The following IL22RA1 variants were observed in gnomAD, a reference collection of about 807,000 sequenced individuals.
The protein encoded by IL22RA1 is interleukin-22 receptor subunit alpha-1.
IL22RA1 carries 25 observed loss-of-function variants against 32.8 expected under a neutral mutation model. The ratio of observed to expected loss-of-function variants is 0.76; its 90% CI spans 0.55 to 1.06. IL22RA1 has a LOEUF of 1.06. Ranked by LOEUF, IL22RA1 falls within the 50% of genes least tolerant of loss-of-function variation. The pLI, the probability that IL22RA1 is intolerant of heterozygous loss-of-function variation, is 0.00. For missense variants in IL22RA1, 709 were observed against 727.4 expected (o/e 0.97, Z 0.29); for synonymous variants, 305 against 305.0 (o/e 1.00, Z 0.00).
chr1:24,121,581 G>A lies in IL22RA1; in HGVS notation c.949C>T (p.Gln317Ter). Reference sequence around the variant, plus strand: ...GTGATCTCGGACAGGCTATGCCGCTGTGGAGCTCCTGCGGGCTCCCTGGGT... The same window carrying A: ...GTGATCTCGGACAGGCTATGCCGCTATGGAGCTCCTGCGGGCTCCCTGGGT... ...SGPREPAGAP[Q>*]RHSLSEITYL... The change falls in exon 7 of 7, where the codon CAG becomes TAG. Residue 317 changes from glutamine (Q) to a stop codon, truncating the protein, a stop_gained. Coordinates refer to ENST00000270800, the MANE Select transcript of IL22RA1 (RefSeq NM_021258.4). LOFTEE classifies it low-confidence loss of function (END_TRUNC). 1 of 1,612,432 alleles carries A rather than the reference G, an allele frequency of 6.2e-7. No homozygotes were observed. The highest frequency in any genetic ancestry group is 8.5e-7 in the Non-Finnish European group (1 of 1,178,860).
rs770833663 is a variant in IL22RA1 at position 24,137,198 on chromosome 1, G to A, written c.288C>T (p.Val96=). The change falls in exon 3 of 7, where the codon GTC becomes GTT. Residue 96 remains valine (V), a synonymous_variant. Coordinates refer to ENST00000270800, the MANE Select transcript of IL22RA1 (RefSeq NM_021258.4). ...ACCGGCCTCCCGCACTGACAGCGGTGACCCTGGCATAGTAGAGCTCCGTGA... is the reference window on the plus strand; with the variant it reads ...ACCGGCCTCCCGCACTGACAGCGGTAACCCTGGCATAGTAGAGCTCCGTGA... ...GNLTELYYAR[V]TAVSAGGRSA... 2 of 1,614,030 alleles carry A rather than the reference G, an allele frequency of 1.2e-6. No homozygotes were observed. The highest frequency in any genetic ancestry group is 2.7e-5 in the African/African-American group (2 of 74,928).
rs375184207 is a variant in IL22RA1 at position 24,135,843 on chromosome 1, GT to G, written c.355+1287del. 9.2e-4 allele frequency among the ~76,000 whole-genome samples: 140 copies of G among 152,294 alleles called. 1 individual carries two copies. In the South Asian group the frequency reaches 0.026, roughly 28 times the overall value. ...CCATCATTCAGTTACCTCCTACTGG[GT>G]CCTTCCCACAAGACAGGATTATGGG... On this transcript the variant is annotated intron_variant, in intron 3 of 6. Transcript: ENST00000270800.
At chr1:24,122,001 G>A (rs970510526) in intron 6 of IL22RA1, among the ~76,000 whole-genome samples, 10 of 152,130 alleles carry the variant, frequency 6.6e-5, no homozygotes, top group East Asian at 1.9e-4. Context: ...TCCAGGAGGC[G>A]GATAATCCAG....
At chr1:24,140,098 G>A (rs912401389) in intron 1 of IL22RA1, among the ~76,000 whole-genome samples, 2 of 152,232 alleles carry the variant, frequency 1.3e-5, no homozygotes, top group African/African-American at 4.8e-5. Context: ...AGCAGCCACT[G>A]GCATTTGTGA....
chr1:24,123,495 C>A (rs1311402750), intron 5 of IL22RA1, 72 bp from the exon 6 acceptor site: 1 of 1,566,678 alleles, frequency 6.4e-7, no homozygotes, highest in Non-Finnish European at 8.7e-7. Context: ...GGTCTGGCCC[C>A]ACATGTGGAT....
rs1570898050 is a variant in IL22RA1 at position 24,120,049 on chromosome 1, G to T, written c.*756C>A. Reference sequence around the variant, plus strand: ...CAGTGTGTTATTGTACCCGTCCAGGGGCCACAGCCCTCACCTTCCTTTCAA... The same window carrying T: ...CAGTGTGTTATTGTACCCGTCCAGGTGCCACAGCCCTCACCTTCCTTTCAA... On this transcript the variant is annotated 3_prime_UTR_variant, in exon 7 of 7. Coordinates refer to ENST00000270800, the MANE Select transcript of IL22RA1 (RefSeq NM_021258.4). 6.6e-6 allele frequency: 1 copy of T among 152,352 alleles called. No individual in the cohort carries two copies. Among genetic ancestry groups the T allele is most frequent in the East Asian group, 1.9e-4 (1 of 5,190 alleles). 9.4% of individuals were successfully genotyped at this position (152,352 alleles called of 1,614,324 possible). A position where few individuals can be genotyped will look rare whatever the true frequency, so the allele number is the denominator to read the frequency against.
At chr1:24,142,395 G>A (rs1377807319) in intron 1 of IL22RA1, among the ~76,000 whole-genome samples, 1 of 152,208 alleles carries the variant, frequency 6.6e-6, no homozygotes, top group Non-Finnish European at 1.5e-5. Flanking sequence ...CTCATGTAAC[G>A]TTCTCCATAA....
chr1:24,140,298 G>A (rs1006650842), intron 1 of IL22RA1, among the ~76,000 whole-genome samples: 3 of 152,222 alleles, frequency 2.0e-5, no homozygotes, highest in Non-Finnish European at 4.4e-5. Flanking sequence ...GGATAGAGCG[G>A]GTTGGCGTCT....
Position 24,137,307 on chromosome 1 carries a change from T to A in IL22RA1, c.179A>T (p.Tyr60Phe), listed in dbSNP as rs1355483502. 6.2e-7 allele frequency: 1 copy of A among 1,613,268 alleles called. No homozygotes were observed. Among genetic ancestry groups the A allele is most frequent in the East Asian group, 2.2e-5 (1 of 44,858 alleles). ...DTVYSIEYKTYGERDWVAKKG... is the reference protein window; with the variant it reads ...DTVYSIEYKTFGERDWVAKKG... The stretch of plus-strand genomic sequence containing the variant: ...CTTTGCCACCCAGTCCCTCTCTCCG[T>A]ACCTGCAGGTCAGGAAGGGGCCAAG... Residue 60 changes from tyrosine (Y) to phenylalanine (F), a missense_variant and splice_region_variant, in exon 3 of 7, where the codon TAC becomes TTC. By Grantham distance (22) the Tyr-to-Phe change is conservative (BLOSUM62 3). Coordinates refer to ENST00000270800, the MANE Select transcript of IL22RA1 (RefSeq NM_021258.4).
intron 4 of IL22RA1, among the ~76,000 whole-genome samples, chr1:24,131,227 A>G (rs1205328449): frequency 6.6e-6 from 1 of 152,206 alleles, no homozygotes; most frequent in Non-Finnish European, 1.5e-5. Context: ...AACTTGAAGA[A>G]AGATTGATAA....
chr1:24,140,979 G>A lies in IL22RA1; in HGVS notation c.43+2061C>T, dbSNP rs114209821. Among the ~76,000 whole-genome samples the A allele has an allele frequency of 9.7e-3, 1,477 of 152,322 alleles. 15 individuals are homozygous for A. Among genetic ancestry groups the A allele is most frequent in the Non-Finnish European group, 0.015 (1,001 of 68,026 alleles). ...CCTACTCCAACTCTACACACAAGAG[G>A]GGTCCTCAGGCTTGGCGAGGACCGA... On this transcript the variant is annotated intron_variant, in intron 1 of 6. Coordinates refer to ENST00000270800, the MANE Select transcript of IL22RA1 (RefSeq NM_021258.4).
At chr1:24,142,218 G>A (rs1644286478) in intron 1 of IL22RA1, among the ~76,000 whole-genome samples, 1 of 152,228 alleles carries the variant, frequency 6.6e-6, no homozygotes, top group African/African-American at 2.4e-5. Flanking sequence ...GGCAGAGAAG[G>A]TGGGAAGCTC....
At chr1:24,128,479 G>T in intron 4 of IL22RA1, among the ~76,000 whole-genome samples, 200 bp from the exon 5 acceptor site, 1 of 151,830 alleles carries the variant, frequency 6.6e-6, no homozygotes, top group East Asian at 1.9e-4. Flanking sequence ...ACTTGCAATA[G>T]TGTCTGGCCC....
At chr1:24,137,357 C>A (rs377040917) in intron 2 of IL22RA1, 48 bp from the exon 3 acceptor site, 1 of 1,564,608 alleles carries the variant, frequency 6.4e-7, no homozygotes, top group South Asian at 1.1e-5. Context: ...AAAAGGCCAG[C>A]GCTAGGCCTG....
At chr1:24,137,682 A>G (rs886281842) in intron 2 of IL22RA1, among the ~76,000 whole-genome samples, 1 of 151,598 alleles carries the variant, frequency 6.6e-6, no homozygotes, top group Non-Finnish European at 1.5e-5. Context: ...ATGCCTGGCT[A>G]ATTTTTGTAT....
rs377058116 is a variant in IL22RA1, at chr1:24,138,582, G to A, written c.176C>T (p.Thr59Met). 66 of 1,614,038 alleles carry A rather than the reference G, an allele frequency of 4.1e-5. No homozygotes were observed. Among genetic ancestry groups the A allele is most frequent in the Non-Finnish European group, 5.2e-5 (61 of 1,180,020 alleles). Residue 59 changes from threonine (T) to methionine (M), a missense_variant and splice_region_variant, in exon 2 of 7, where the codon ACG becomes ATG. Physicochemically the swap from Thr to Met is moderately conservative, Grantham distance 81. Coordinates refer to ENST00000270800, the MANE Select transcript of IL22RA1 (RefSeq NM_021258.4). Reference protein sequence around the residue: ...PDTVYSIEYKTYGERDWVAKK... With the variant: ...PDTVYSIEYKMYGERDWVAKK... ...AGGTGGGGTCAAGAGAGAAGCCTACGTCTTATACTCGATGCTGTAGACCGT... is the reference window on the plus strand; with the variant it reads ...AGGTGGGGTCAAGAGAGAAGCCTACATCTTATACTCGATGCTGTAGACCGT...
intron 4 of IL22RA1, among the ~76,000 whole-genome samples, chr1:24,131,205 GA>G (rs1644202515): frequency 6.6e-6 from 1 of 152,148 alleles, no homozygotes; most frequent in African/African-American, 2.4e-5. Context: ...GGAAATGACA[GA>G]AAAAATAGAG....
chr1:24,121,602 TG>T lies in IL22RA1; in HGVS notation c.927del (p.Arg310GlyfsTer18). ...CGCTGTGGAGCTCCTGCGGGCTCCC[TG>T]GGTCCAGACACCCTGATCTGGGAGT... is the stretch of plus-strand genomic sequence containing the variant. ...VQYSQIRVSG[P>X]REPAGAPQRH... On this transcript the variant is annotated frameshift_variant, in exon 7 of 7. Coordinates refer to ENST00000270800, the MANE Select transcript of IL22RA1 (RefSeq NM_021258.4). LOFTEE classifies it low-confidence loss of function (END_TRUNC). 2 of 1,612,950 alleles carry T rather than the reference TG, an allele frequency of 1.2e-6. No homozygotes were observed. Among genetic ancestry groups the T allele is most frequent in the Non-Finnish European group, 1.7e-6 (2 of 1,179,242 alleles).
In IL22RA1 at chr1:24,120,865, C is replaced by A. The variant is rs367753377; in HGVS notation, c.1665G>T (p.Gln555His). Residue 555 changes from glutamine to histidine, a missense_variant, in exon 7 of 7, where the codon CAG becomes CAT. Coordinates refer to ENST00000270800, the MANE Select transcript of IL22RA1 (RefSeq NM_021258.4). ...TGAAAAGAGAATCCAGTTCTGTGGG[C>A]TGCTCCAGGTCTGAGGTCTCAGGGG... ...SPAPETSDLE[Q>H]PTELDSLFRG... The A allele has an allele frequency of 8.7e-6, 14 of 1,614,030 alleles. No individual in the cohort carries two copies. In the African/African-American group the frequency reaches 1.3e-4, roughly 15 times the overall value.
Sources: gnomAD v4.1 joint callset for allele counts (sites outside exome capture counted in the v4.1 genomes callset) on GRCh38, gnomAD v4.1.1 for gene constraint, MANE v1.5 for transcripts, NCBI Gene and HGNC (gene_info 2026-07-23, HGNC 2026-07-21) for gene names.